Variants in ARRB2 observed in about 807,000 individuals in gnomAD.
ARRB2 encodes the protein arrestin beta 2, also known as beta-arrestin-2.
ARRB2 carries 21 observed loss-of-function variants against 53.4 expected under a neutral mutation model. The observed-to-expected ratio is 0.39, with a 90% CI of 0.28 to 0.57. The LOEUF is 0.57. Ranked by LOEUF, ARRB2 falls within the 20% of genes least tolerant of loss-of-function variation. The probability of loss-of-function intolerance (pLI) is 0.55; values close to 1 mark genes in which losing one functional copy is unlikely to be tolerated. For missense variants in ARRB2, 369 were observed against 527.5 expected (o/e 0.70, Z 2.94); for synonymous variants, 180 against 212.9 (o/e 0.85, Z 1.34).
At chr17:4,719,650 G>A (rs928192428) in intron 11 of ARRB2, among the ~76,000 whole-genome samples, 3 of 152,176 alleles carry the variant, frequency 2.0e-5, no homozygotes, top group Non-Finnish European at 2.9e-5. Flanking sequence ...GGGGGGCAGT[G>A]AGGTGCGAAG....
At position 4,716,196 on chromosome 17, in the gene ARRB2, TG is replaced by T. The variant is rs775617705; in HGVS notation, c.160+7del. On this transcript the variant is annotated splice_donor_region_variant and intron_variant, in intron 4 of 14. Transcript: ENST00000269260. ...ACTACCTGAAGGACCGCAAAGGTAC[TG>T]GCCCCAAGTCCAGGGGGCCCAGGGA... The T allele has an allele frequency of 7.1e-5, 115 of 1,613,960 alleles. 1 individual carries two copies. The South Asian group carries it at 1.1e-3, about 15-fold the overall frequency.
intron 1 of ARRB2, among the ~76,000 whole-genome samples, chr17:4,714,137 G>A (rs1914711796): frequency 1.3e-5 from 2 of 152,198 alleles, no homozygotes; most frequent in African/African-American, 4.8e-5. Flanking sequence ...AGGAGGGAGG[G>A]AGCTAACTAT....
chr17:4,717,933 G>A lies in ARRB2; in HGVS notation c.531G>A (p.Glu177=). ...LVIRKVQFAP[E]KPGPQPSAET... is the part of the protein sequence containing the mutation. ...TCCGAAAGGTGCAGTTCGCCCCGGA[G>A]AAACCCGGCCCCCAGCCTTCAGCCG... Residue 177 remains glutamate, a synonymous_variant, in exon 8 of 15, where the codon GAG becomes GAA. Transcript: ENST00000269260. The surrounding 1 kb of genome is among the most constrained non-coding windows in gnomAD (Gnocchi z 6.0). 3.1e-6 allele frequency: 5 copies of A among 1,613,868 alleles called. No homozygotes were observed. Among genetic ancestry groups the A allele is most frequent in the Non-Finnish European group, 4.2e-6 (5 of 1,180,014 alleles).
At position 4,717,999 on chromosome 17, in the gene ARRB2, C is replaced by T. The variant is rs376881992; in HGVS notation, c.597C>T (p.His199=). The T allele has an allele frequency of 1.2e-6, 2 of 1,613,484 alleles. No homozygotes were observed. Among genetic ancestry groups the T allele is most frequent in the African/African-American group, 1.3e-5 (1 of 74,938 alleles). ...TCCTCATGTCTGACCGGTCCCTGCA[C>T]CTCGAGGCTTCCCTGGACAAGGAGG... is the stretch of plus-strand genomic sequence containing the variant. The part of the protein sequence containing the change: ...RHFLMSDRSL[H]LEASLDKELY... The change falls in exon 8 of 15, where the codon CAC becomes CAT. Residue 199 remains histidine, a synonymous_variant. Coordinates refer to ENST00000269260, the MANE Select transcript of ARRB2 (RefSeq NM_004313.4). This position sits in a 1 kb window ranked among gnomAD's most constrained non-coding sequence, Gnocchi z 6.0.
rs1914302406 is a variant in ARRB2, at chr17:4,710,739, G to T, written c.18G>T (p.Gly6=). The change falls in exon 1 of 15, where the codon GGG becomes GGT. Residue 6 remains glycine, a synonymous_variant. Coordinates refer to ENST00000269260, the MANE Select transcript of ARRB2 (RefSeq NM_004313.4). The part of the protein sequence containing the change: MGEKP[G]TRVFKKSSPN... ...CGCGCACCATGGGGGAGAAACCCGG[G>T]ACCAGGTAAGGGAGGTGGGGCCACG... 2 of 398,954 alleles carry T rather than the reference G, an allele frequency of 5.0e-6. No individual in the cohort carries two copies. Among genetic ancestry groups the T allele is most frequent in the African/African-American group, 4.1e-5 (2 of 48,580 alleles). 24.7% of individuals were successfully genotyped at this position (398,954 alleles called of 1,614,324 possible).
rs1914289872 is a variant in ARRB2, at chr17:4,710,670, C to A, written c.-52C>A. On this transcript the variant is annotated 5_prime_UTR_variant, in exon 1 of 15. Transcript: ENST00000269260. ...GAGGAGCAGGGATCTTGGCAGCGGGCGAGGAGGCTGCGAGCGAGCCGCGAA... is the reference window on the plus strand; with the variant it reads ...GAGGAGCAGGGATCTTGGCAGCGGGAGAGGAGGCTGCGAGCGAGCCGCGAA... 2 of 398,046 alleles carry A rather than the reference C, an allele frequency of 5.0e-6. No individual in the cohort carries two copies. The highest frequency in any genetic ancestry group is 7.1e-5 in the East Asian group (2 of 27,980). 24.7% of individuals were successfully genotyped at this position (398,046 alleles called of 1,614,324 possible). A position where few individuals can be genotyped will look rare whatever the true frequency, so the allele number is the denominator to read the frequency against.
intron 1 of ARRB2, 59 bp from the exon 2 acceptor site, chr17:4,714,954 G>T (rs1914788945): frequency 1.9e-6 from 3 of 1,548,518 alleles, no homozygotes; most frequent in Non-Finnish European, 1.8e-6. Context: ...GAGGGTCCTG[G>T]TGTGGGGTCC....
At chr17:4,711,471 G>T (rs1000332019) in intron 1 of ARRB2, among the ~76,000 whole-genome samples, 3 of 152,120 alleles carry the variant, frequency 2.0e-5, no homozygotes, top group Non-Finnish European at 4.4e-5. Flanking sequence ...CCCCCAAGGG[G>T]CAAGGGGTGG....
intron 1 of ARRB2, among the ~76,000 whole-genome samples, chr17:4,714,290 G>A (rs1408475715): frequency 4.6e-5 from 7 of 152,224 alleles, no homozygotes; most frequent in East Asian, 3.9e-4. Context: ...TCTTGAGGTC[G>A]GAGTTGGGGA....
At chr17:4,715,708 CACACACACACACACACAA>C (rs897460622) in intron 2 of ARRB2, 229 of 451,748 alleles carry the variant, frequency 5.1e-4, no homozygotes, top group Middle Eastern at 4.7e-3. Context: ...CACACACACA[CACACACACACACACACAA>C]ACACACACAC....
In ARRB2 at chr17:4,717,914, A is replaced by G. The variant is rs1915242019; in HGVS notation, c.512A>G (p.Lys171Arg). The change falls in exon 8 of 15, where the codon AAG (lysine) becomes AGG (arginine). Residue 171 changes from lysine (K) to arginine (R), a missense_variant. By Grantham distance (26) the Lys-to-Arg change is conservative (BLOSUM62 2). Transcript: ENST00000269260. This position sits in a 1 kb window ranked among gnomAD's most constrained non-coding sequence, Gnocchi z 6.0. The part of the protein sequence containing the change: ...KRNSVRLVIR[K>R]VQFAPEKPGP... The stretch of plus-strand genomic sequence containing the variant: ...AACTCTGTGCGGCTGGTGATCCGAA[A>G]GGTGCAGTTCGCCCCGGAGAAACCC... The G allele has an allele frequency of 6.2e-7, 1 of 1,613,872 alleles. No individual in the cohort carries two copies. The highest frequency in any genetic ancestry group is 1.3e-5 in the African/African-American group (1 of 74,912).
rs777927775 is a variant in ARRB2, at chr17:4,720,452, C to T, written c.1061C>T (p.Pro354Leu). 23 of 1,613,534 alleles carry T rather than the reference C, an allele frequency of 1.4e-5. No individual in the cohort carries two copies. In the South Asian group the frequency reaches 2.4e-4, roughly 17 times the overall value. ...CACCCCAAGCCCCACGACCACATCCCCCTCCCCAGACCCCAGTCAGGTGAG... is the reference window on the plus strand; with the variant it reads ...CACCCCAAGCCCCACGACCACATCCTCCTCCCCAGACCCCAGTCAGGTGAG... ...LMHPKPHDHI[P>L]LPRPQSAAPE... Residue 354 changes from proline (P) to leucine (L), a missense_variant, in exon 13 of 15, where the codon CCC becomes CTC. By Grantham distance (98) the Pro-to-Leu change is moderately conservative. Transcript: ENST00000269260.
intron 2 of ARRB2, chr17:4,715,312 T>G: frequency 2.0e-6 from 1 of 488,288 alleles, no homozygotes; most frequent in Non-Finnish European, 3.6e-6. Context: ...CATGTGCCTG[T>G]AGCCCTCCTA....
At chr17:4,715,623 TCCTCC>T (rs1914920868) in intron 2 of ARRB2, 1 of 313,312 alleles carries the variant, frequency 3.2e-6, no homozygotes, top group South Asian at 3.3e-5. Context: ...TTGGGCTGAG[TCCTCC>T]CTGAGGACAC....
At chr17:4,713,983 G>A (rs1173069753) in intron 1 of ARRB2, among the ~76,000 whole-genome samples, 1 of 152,158 alleles carries the variant, frequency 6.6e-6, no homozygotes, top group Non-Finnish European at 1.5e-5. Context: ...AGTATTACAA[G>A]AGATGACACA....
Position 4,717,525 on chromosome 17 carries a change from A to G in ARRB2, c.418-160A>G. ...GCACTACCATGACCAAGCCTCTGCC[A>G]GGTTCTGGGCTTTGGAGAGGAAGAA... On this transcript the variant is annotated intron_variant, in intron 6 of 14. Coordinates refer to ENST00000269260, the MANE Select transcript of ARRB2 (RefSeq NM_004313.4). This position sits in a 1 kb window ranked among gnomAD's most constrained non-coding sequence, Gnocchi z 6.0. 1 of 1,034,640 alleles carries G rather than the reference A, an allele frequency of 9.7e-7. No homozygotes were observed. The highest frequency in any genetic ancestry group is 1.4e-6 in the Non-Finnish European group (1 of 697,556). 64.1% of individuals were successfully genotyped at this position (1,034,640 alleles called of 1,614,324 possible).
chr17:4,717,619 G>A lies in ARRB2; in HGVS notation c.418-66G>A, dbSNP rs1383941779. On this transcript the variant is annotated intron_variant, in intron 6 of 14. Coordinates refer to ENST00000269260, the MANE Select transcript of ARRB2 (RefSeq NM_004313.4). This position sits in a 1 kb window ranked among gnomAD's most constrained non-coding sequence, Gnocchi z 6.0. The stretch of plus-strand genomic sequence containing the variant: ...CCTGCCCGAGAGGAGGGAAGGGGGA[G>A]GAAGAAAGGGCAGTGATGGTGGCGG... 1 of 1,599,522 alleles carries A rather than the reference G, an allele frequency of 6.3e-7. No homozygotes were observed. The highest frequency in any genetic ancestry group is 8.6e-7 in the Non-Finnish European group (1 of 1,167,818).
Position 4,712,697 on chromosome 17 carries a change from C to T in ARRB2, c.23+1953C>T, listed in dbSNP as rs533407045. Among the ~76,000 whole-genome samples, 3 of 152,386 alleles carry T rather than the reference C, an allele frequency of 2.0e-5. No homozygotes were observed. The South Asian group carries it at 6.2e-4, about 32-fold the overall frequency. ...AGATCACTGGGGTTGCCAAACACTTCCTTACCCTCCCAGCAATGGGTGGAG... is the reference window on the plus strand; with the variant it reads ...AGATCACTGGGGTTGCCAAACACTTTCTTACCCTCCCAGCAATGGGTGGAG... On this transcript the variant is annotated intron_variant, in intron 1 of 14. Coordinates refer to ENST00000269260, the MANE Select transcript of ARRB2 (RefSeq NM_004313.4).
At chr17:4,712,569 G>A (rs527896582) in intron 1 of ARRB2, among the ~76,000 whole-genome samples, 66 of 152,320 alleles carry the variant, frequency 4.3e-4, no homozygotes, top group African/African-American at 1.4e-3. Flanking sequence ...AGGATTTCAC[G>A]TTTCTGCTAT....
Sources: allele counts gnomAD v4.1 joint callset (sites outside exome capture counted in the v4.1 genomes callset), GRCh38; gene constraint gnomAD v4.1.1; non-coding constraint Gnocchi (gnomAD v3.1); transcripts MANE v1.5; gene names NCBI Gene and HGNC (gene_info 2026-07-23, HGNC 2026-07-21).